LRFN2: variants seen among roughly 807,000 people sequenced by gnomAD.
LRFN2 encodes leucine-rich repeat and fibronectin type-III domain-containing protein 2.
LRFN2 carries 18 observed loss-of-function variants against 37.3 expected under a neutral mutation model. The ratio of observed to expected loss-of-function variants is 0.48; its 90% CI spans 0.33 to 0.72. The LOEUF (loss-of-function observed/expected upper bound fraction) is 0.72. LRFN2 is among the 30% of genes least tolerant of loss of function. LRFN2 has a pLI of 0.02. For missense variants in LRFN2, 1,006 were observed against 1,060.7 expected (o/e 0.95, Z 0.72); for synonymous variants, 556 against 466.6 (o/e 1.19, Z -2.47).
chr6:40,405,912 C>T (rs1278121466), intron 2 of LRFN2, among the ~76,000 whole-genome samples: 2 of 152,286 alleles, frequency 1.3e-5, no homozygotes, highest in African/African-American at 4.8e-5. Flanking sequence ...CGTTGGGAGG[C>T]CCTGTGTTTG....
intron 1 of LRFN2, among the ~76,000 whole-genome samples, chr6:40,565,824 G>C (rs113917049): frequency 0.091 from 13,726 of 151,482 alleles, 731 homozygotes; most frequent in Non-Finnish European, 0.12. Flanking sequence ...CATAGGCATG[G>C]GCAAGGACTT....
At chr6:40,411,675 C>T (rs2113805668) in intron 2 of LRFN2, among the ~76,000 whole-genome samples, 1 of 152,140 alleles carries the variant, frequency 6.6e-6, no homozygotes, top group South Asian at 2.1e-4. Flanking sequence ...GCCTGGAGGG[C>T]CCTTCCCACA....
chr6:40,521,748 T>A (rs1766074606), intron 1 of LRFN2, among the ~76,000 whole-genome samples: 1 of 152,132 alleles, frequency 6.6e-6, no homozygotes, highest in Admixed American at 6.5e-5. Flanking sequence ...CCACCTCCTC[T>A]TATCAATCTC....
At chr6:40,476,691 C>T (rs1045358390) in intron 1 of LRFN2, among the ~76,000 whole-genome samples, 1 of 152,252 alleles carries the variant, frequency 6.6e-6, no homozygotes, top group South Asian at 2.1e-4. Flanking sequence ...CCCCTTAATT[C>T]CCAGCATAGG....
At chr6:40,433,838 AC>A in intron 1 of LRFN2, among the ~76,000 whole-genome samples, 1 of 152,078 alleles carries the variant, frequency 6.6e-6, no homozygotes, top group Non-Finnish European at 1.5e-5. Context: ...TGAATTCTGA[AC>A]CCTTCATAAG....
chr6:40,453,513 AACACAC>A (rs5875719), intron 1 of LRFN2, among the ~76,000 whole-genome samples: 14,582 of 119,636 alleles, frequency 0.12, 779 homozygotes, highest in Admixed American at 0.17. Flanking sequence ...CCCCAAGCCA[AACACAC>A]ACACACACAC....
At chr6:40,499,224 C>A (rs941163395) in intron 1 of LRFN2, among the ~76,000 whole-genome samples, 1 of 152,142 alleles carries the variant, frequency 6.6e-6, no homozygotes, top group Non-Finnish European at 1.5e-5. Context: ...AGTTGAGGTG[C>A]AAGGGACTGC....
chr6:40,428,656 T>C (rs903154771), intron 2 of LRFN2, among the ~76,000 whole-genome samples: 6 of 152,182 alleles, frequency 3.9e-5, no homozygotes, highest in Non-Finnish European at 7.3e-5. Context: ...TGTGTGATCT[T>C]GGAAGAATTT....
At position 40,534,685 on chromosome 6, in the gene LRFN2, CTAT is replaced by C. The variant is rs569437994; in HGVS notation, c.-19+52253_-19+52255del. ...GGTGCCTGACACATATCAGGTATTG[CTAT>C]TATTATTGTTGGCGCTCATTCCTCA... On this transcript the variant is annotated intron_variant, in intron 1 of 2. Transcript: ENST00000338305. Among the ~76,000 whole-genome samples, 456 of 152,218 alleles carry C rather than the reference CTAT, an allele frequency of 3.0e-3. 4 individuals are homozygous for C. The highest frequency in any genetic ancestry group is 0.01 in the African/African-American group (433 of 41,538).
intron 1 of LRFN2, among the ~76,000 whole-genome samples, chr6:40,512,447 G>A (rs1037805332): frequency 4.6e-5 from 7 of 152,152 alleles, no homozygotes; most frequent in Non-Finnish European, 1.0e-4. Context: ...TCTAATCAAA[G>A]GCATCTTAGA....
Position 40,432,608 on chromosome 6 carries a change from A to G in LRFN2, c.506T>C (p.Val169Ala). Residue 169 changes from valine (V) to alanine (A), a missense_variant, in exon 2 of 3, where the codon GTG becomes GCG. Physicochemically the swap from Val to Ala is moderately conservative, Grantham distance 64 (BLOSUM62 0). Coordinates refer to ENST00000338305, the MANE Select transcript of LRFN2 (RefSeq NM_020737.3). Reference protein sequence around the residue: ...NNLHGLPWDSVRRMVNLHQLS... With the variant: ...NNLHGLPWDSARRMVNLHQLS... ...CTGGTGGAGGTTGACCATGCGTCGC[A>G]CGGAGTCCCACGGCAGGCCATGGAG... 1 of 1,614,206 alleles carries G rather than the reference A, an allele frequency of 6.2e-7. No homozygotes were observed. The highest frequency in any genetic ancestry group is 8.5e-7 in the Non-Finnish European group (1 of 1,180,032).
intron 1 of LRFN2, among the ~76,000 whole-genome samples, chr6:40,459,055 C>T (rs944877062): frequency 2.8e-4 from 42 of 152,324 alleles, no homozygotes; most frequent in African/African-American, 7.7e-4. Flanking sequence ...TTATTTCATA[C>T]GTGGTTTCCA....
intron 1 of LRFN2, among the ~76,000 whole-genome samples, chr6:40,454,344 T>C (rs1764189919): frequency 6.6e-6 from 1 of 152,046 alleles, no homozygotes; most frequent in Non-Finnish European, 1.5e-5. Flanking sequence ...CCTGGGTGCA[T>C]CTAGTTGGGG....
intron 1 of LRFN2, among the ~76,000 whole-genome samples, chr6:40,582,467 A>G (rs953032192): frequency 6.6e-6 from 1 of 151,946 alleles, no homozygotes; most frequent in Non-Finnish European, 1.5e-5. Context: ...ACAAGAACAC[A>G]GTTTTGTTCT....
rs550164062 is a variant in LRFN2, at chr6:40,392,676, A to G, written c.1637T>C (p.Leu546Pro). The G allele has an allele frequency of 4.3e-6, 7 of 1,613,938 alleles. No homozygotes were observed. In the South Asian group the frequency reaches 7.7e-5, roughly 18 times the overall value. The change falls in exon 3 of 3, where the codon CTG becomes CCG. Residue 546 changes from leucine to proline, a missense_variant. Leu to Pro is a moderately conservative substitution (Grantham distance 98). Coordinates refer to ENST00000338305, the MANE Select transcript of LRFN2 (RefSeq NM_020737.3). This position sits in a 1 kb window ranked among gnomAD's most constrained non-coding sequence, Gnocchi z 4.7. ...LVIGGIIVAT[L>P]LVFIVILMVR... ...CATGAGGATGACGATGAAGACCAGCAGCGTGGCCACGATGATGCCCCCGAT... is the reference window on the plus strand; with the variant it reads ...CATGAGGATGACGATGAAGACCAGCGGCGTGGCCACGATGATGCCCCCGAT...
intron 1 of LRFN2, among the ~76,000 whole-genome samples, chr6:40,507,513 G>A (rs1010920337): frequency 3.9e-5 from 6 of 152,178 alleles, no homozygotes; most frequent in African/African-American, 1.2e-4. Flanking sequence ...ATGGGAGTGC[G>A]GATTAAAGGT....
intron 1 of LRFN2, among the ~76,000 whole-genome samples, chr6:40,509,636 C>T (rs1225346537): frequency 2.0e-5 from 3 of 151,404 alleles, no homozygotes; most frequent in Admixed American, 6.6e-5. Context: ...TGCCTGCATG[C>T]GGGTATGCCA....
At chr6:40,586,090 C>G (rs1767498073) in intron 1 of LRFN2, among the ~76,000 whole-genome samples, 1 of 152,206 alleles carries the variant, frequency 6.6e-6, no homozygotes, top group African/African-American at 2.4e-5. Flanking sequence ...TTCAGAGGCT[C>G]TATCTCCCTA....
In LRFN2 at chr6:40,542,062, C is replaced by T. The variant is rs149258605; in HGVS notation, c.-19+44879G>A. Among the ~76,000 whole-genome samples, 80 of 152,366 alleles carry T rather than the reference C, an allele frequency of 5.3e-4. 1 individual carries two copies. The East Asian group carries it at 0.013, about 24-fold the overall frequency. On this transcript the variant is annotated intron_variant, in intron 1 of 2. Coordinates refer to ENST00000338305, the MANE Select transcript of LRFN2 (RefSeq NM_020737.3). ...ACTCTGCCACACACACACTTGCAGT[C>T]ATGTGGACAGAGACCTGGTGGTTCT...
Sources: allele counts gnomAD v4.1 joint callset (sites outside exome capture counted in the v4.1 genomes callset), GRCh38; gene constraint gnomAD v4.1.1; non-coding constraint Gnocchi (gnomAD v3.1); transcripts MANE v1.5; gene names NCBI Gene and HGNC (gene_info 2026-07-23, HGNC 2026-07-21).